Variants in AKAP6 observed in about 807,000 individuals in gnomAD.
AKAP6 encodes the protein A-kinase anchoring protein 6.
A neutral mutation model predicts 188.5 loss-of-function variants in AKAP6; 58 were observed. That is an observed-to-expected ratio of 0.31 (90% CI 0.25 to 0.38). AKAP6 has a LOEUF of 0.38. Ranked by LOEUF, AKAP6 falls within the 10% of genes least tolerant of loss-of-function variation. The pLI is 1.00. For missense variants in AKAP6, 2,710 were observed against 2,740.0 expected, an observed-to-expected ratio of 0.99 and a Z score of 0.24; for synonymous variants, 989 against 998.6, an observed-to-expected ratio of 0.99 and a Z score of 0.18.
intron 1 of AKAP6, among the ~76,000 whole-genome samples, chr14:32,414,733 G>A (rs1022648914): frequency 6.6e-6 from 1 of 152,100 alleles, no homozygotes; most frequent in African/African-American, 2.4e-5. Flanking sequence ...ATGACACAAA[G>A]CATTGAGGAA....
intron 3 of AKAP6, among the ~76,000 whole-genome samples, chr14:32,541,881 T>C (rs1340277572): frequency 1.3e-5 from 2 of 152,242 alleles, no homozygotes; most frequent in African/African-American, 2.4e-5. Flanking sequence ...ACAAAAGTTA[T>C]ACAATTCCAT....
At chr14:32,769,036 G>GTTTTTTTTT (rs1566698267) in intron 11 of AKAP6, among the ~76,000 whole-genome samples, 4 of 18,504 alleles carry the variant, frequency 2.2e-4, no homozygotes, top group African/African-American at 2.9e-4. Flanking sequence ...CTGCTCTTTT[G>GTTTTTTTTT]ATTTTTTTTT....
chr14:32,766,012 G>A (rs960926484), intron 11 of AKAP6, among the ~76,000 whole-genome samples: 1 of 152,062 alleles, frequency 6.6e-6, no homozygotes, highest in Non-Finnish European at 1.5e-5. Flanking sequence ...CCATTAGCTC[G>A]CTTTTTGCCC....
intron 3 of AKAP6, among the ~76,000 whole-genome samples, chr14:32,540,166 CTCTA>C (rs1470256836): frequency 0.011 from 986 of 87,286 alleles, 5 homozygotes; most frequent in Non-Finnish European, 0.013. Context: ...CTCTCTCTCT[CTCTA>C]TATATATATA....
At chr14:32,579,658 TTCAA>T (rs1429382482) in intron 5 of AKAP6, among the ~76,000 whole-genome samples, 1 of 152,118 alleles carries the variant, frequency 6.6e-6, no homozygotes, top group Non-Finnish European at 1.5e-5. Flanking sequence ...TCAAACATCT[TTCAA>T]TCAAATTCTT....
At chr14:32,812,510 G>T (rs1160184077) in intron 12 of AKAP6, among the ~76,000 whole-genome samples, 1 of 152,088 alleles carries the variant, frequency 6.6e-6, no homozygotes, top group Non-Finnish European at 1.5e-5. Flanking sequence ...CTCCTATTCA[G>T]GCTCTTCTCA....
intron 1 of AKAP6, among the ~76,000 whole-genome samples, chr14:32,336,020 A>G (rs1323522508): frequency 6.6e-6 from 1 of 151,880 alleles, no homozygotes; most frequent in Non-Finnish European, 1.5e-5. Flanking sequence ...GCTAATGTTC[A>G]GAAGTCCATA....
chr14:32,551,849 G>A (rs1883483723), intron 4 of AKAP6, among the ~76,000 whole-genome samples: 1 of 149,512 alleles, frequency 6.7e-6, no homozygotes, highest in Admixed American at 6.6e-5. Context: ...TTTTTTTTTA[G>A]TAGAGATGGG....
chr14:32,350,233 A>AT (rs1273236069), intron 1 of AKAP6, among the ~76,000 whole-genome samples: 1 of 152,212 alleles, frequency 6.6e-6, no homozygotes, highest in East Asian at 1.9e-4. Flanking sequence ...TAACCAAGTG[A>AT]TGAAGGTTGA....
At chr14:32,343,664 C>T (rs1019313347) in intron 1 of AKAP6, among the ~76,000 whole-genome samples, 27 of 138,840 alleles carry the variant, frequency 1.9e-4, no homozygotes, top group African/African-American at 6.3e-4. Context: ...AGGAGAATGG[C>T]GTGAACCCGG....
At chr14:32,639,755 A>G (rs1298038460) in intron 7 of AKAP6, among the ~76,000 whole-genome samples, 1 of 152,180 alleles carries the variant, frequency 6.6e-6, no homozygotes, top group East Asian at 1.9e-4. Flanking sequence ...GCAAAATGGA[A>G]GATCTAAACA....
chr14:32,637,393 A>C (rs896915054), intron 7 of AKAP6, among the ~76,000 whole-genome samples: 14 of 152,156 alleles, frequency 9.2e-5, no homozygotes, highest in Non-Finnish European at 1.3e-4. Context: ...AATAAAATTT[A>C]GAGTGAAGAA....
intron 11 of AKAP6, among the ~76,000 whole-genome samples, chr14:32,751,050 T>G (rs999429972): frequency 6.6e-5 from 10 of 152,154 alleles, no homozygotes; most frequent in Non-Finnish European, 1.5e-4. Flanking sequence ...TTCTTTATAC[T>G]GCACTCTAGC....
At position 32,823,755 on chromosome 14, in the gene AKAP6, A is replaced by T; in HGVS notation, c.5942A>T (p.Glu1981Val). 2 of 1,613,760 alleles carry T rather than the reference A, an allele frequency of 1.2e-6. No homozygotes were observed. Among genetic ancestry groups the T allele is most frequent in the Non-Finnish European group, 1.7e-6 (2 of 1,179,936 alleles). The change falls in exon 13 of 14, where the codon GAG becomes GTG. Residue 1981 changes from glutamate to valine, a missense_variant. Transcript: ENST00000280979. ...ENQSTASTPTEKSFSELALET... is the reference protein window; with the variant it reads ...ENQSTASTPTVKSFSELALET... ...CAAAGCACTGCCTCTACTCCCACTG[A>T]GAAGTCTTTCTCAGAACTGGCTTTA...
chr14:32,369,876 CA>C (rs1887953536), intron 1 of AKAP6, among the ~76,000 whole-genome samples: 1 of 152,056 alleles, frequency 6.6e-6, no homozygotes, highest in South Asian at 2.1e-4. Context: ...ACTAAAAATA[CA>C]AAAATTAGCC....
At chr14:32,528,002 C>T (rs1197688694) in intron 2 of AKAP6, among the ~76,000 whole-genome samples, 1 of 152,106 alleles carries the variant, frequency 6.6e-6, no homozygotes, top group Non-Finnish European at 1.5e-5. Flanking sequence ...GGTGTTGTAT[C>T]TATTAACAAA....
At position 32,503,104 on chromosome 14, in the gene AKAP6, T is replaced by A. The variant is rs144739981; in HGVS notation, c.325-32450T>A. Among the ~76,000 whole-genome samples the A allele has an allele frequency of 5.7e-3, 868 of 152,270 alleles. 2 individuals are homozygous for A. The highest frequency in any genetic ancestry group is 8.8e-3 in the Non-Finnish European group (598 of 67,984). On this transcript the variant is annotated intron_variant, in intron 2 of 13. Coordinates refer to ENST00000280979, the MANE Select transcript of AKAP6 (RefSeq NM_004274.5). Reference sequence around the variant, plus strand: ...CATGTGCCTTTCCCCATAGATTGTGTTATGAAATTTTTTTTTGCTCTGTGT... The same window carrying A: ...CATGTGCCTTTCCCCATAGATTGTGATATGAAATTTTTTTTTGCTCTGTGT...
chr14:32,677,728 T>C (rs1889493876), intron 7 of AKAP6, among the ~76,000 whole-genome samples: 1 of 152,220 alleles, frequency 6.6e-6, no homozygotes, highest in African/African-American at 2.4e-5. Flanking sequence ...CAGTGAGCCC[T>C]AAGTATGAAA....
intron 1 of AKAP6, among the ~76,000 whole-genome samples, chr14:32,365,075 C>T (rs1371885480): frequency 6.6e-6 from 1 of 152,126 alleles, no homozygotes; most frequent in East Asian, 1.9e-4. Context: ...TAGGCTTGCA[C>T]TGAGTCCCCA....
Sources: allele counts gnomAD v4.1 joint callset (sites outside exome capture counted in the v4.1 genomes callset), GRCh38; gene constraint gnomAD v4.1.1; transcripts MANE v1.5; gene names NCBI Gene and HGNC (gene_info 2026-07-23, HGNC 2026-07-21).